FIG4: variants seen among roughly 807,000 people sequenced by gnomAD.
FIG4 encodes polyphosphoinositide phosphatase.
In FIG4, 112 loss-of-function variants were observed where a neutral mutation model predicts 118.6. That is an observed-to-expected ratio of 0.94 (90% CI 0.81 to 1.11). The LOEUF (loss-of-function observed/expected upper bound fraction) is 1.11, where lower values mean the gene tolerates loss of function less well. FIG4 is among the 50% of genes least tolerant of loss of function. FIG4 has a pLI of 0.00. For missense variants in FIG4, 969 were observed against 1,111.7 expected, an observed-to-expected ratio of 0.87 and a Z score of 1.83; for synonymous variants, 369 against 381.2, an observed-to-expected ratio of 0.97 and a Z score of 0.37.
intron 22 of FIG4, among the ~76,000 whole-genome samples, chr6:109,808,350 C>CAAAAAAAAAAAAAAA (rs55948419): frequency 1.6e-4 from 11 of 67,036 alleles, no homozygotes; most frequent in Admixed American, 3.8e-4. Context: ...ACACTCACAG[C>CAAAAAAAAAAAAAAA]AAAAAAAAAA....
chr6:109,766,574 A>T (rs1302714109), intron 14 of FIG4, among the ~76,000 whole-genome samples, 155 bp from the exon 15 acceptor site: 1 of 152,234 alleles, frequency 6.6e-6, no homozygotes, highest in Non-Finnish European at 1.5e-5. Flanking sequence ...TCTAAAATAT[A>T]TTAGCGTTTG....
chr6:109,775,586 G>A (rs1777594601), intron 15 of FIG4, among the ~76,000 whole-genome samples: 1 of 152,162 alleles, frequency 6.6e-6, no homozygotes, highest in African/African-American at 2.4e-5. Flanking sequence ...CAGAAAGAAT[G>A]TAATTGCCAT....
intron 3 of FIG4, among the ~76,000 whole-genome samples, chr6:109,717,553 T>C (rs1775472689): frequency 1.3e-5 from 2 of 152,148 alleles, no homozygotes; most frequent in Non-Finnish European, 2.9e-5. Context: ...CCAAGCTGTG[T>C]AGTATGAATT....
intron 1 of FIG4, among the ~76,000 whole-genome samples, chr6:109,709,974 T>C (rs927603806): frequency 6.6e-6 from 1 of 152,222 alleles, no homozygotes; most frequent in African/African-American, 2.4e-5. Flanking sequence ...CCGATTACCC[T>C]GACCAGCACT....
At chr6:109,802,600 G>A (rs1009328525) in intron 22 of FIG4, among the ~76,000 whole-genome samples, 1 of 152,202 alleles carries the variant, frequency 6.6e-6, no homozygotes, top group Non-Finnish European at 1.5e-5. Context: ...TTCACTGTTT[G>A]GATTTATATG....
intron 1 of FIG4, among the ~76,000 whole-genome samples, chr6:109,706,902 C>T (rs2025149): frequency 0.81 from 123,139 of 152,012 alleles, 50,363 homozygotes; most frequent in African/African-American, 0.94. Flanking sequence ...TAGGTGAACG[C>T]TGTTAGATTG....
intron 16 of FIG4, among the ~76,000 whole-genome samples, chr6:109,782,250 G>C (rs1336258304): frequency 6.6e-6 from 1 of 152,122 alleles, no homozygotes. Context: ...TCTTCCTCTG[G>C]ATAAATGTAC....
chr6:109,751,529 G>C (rs13197056), intron 10 of FIG4, among the ~76,000 whole-genome samples: 1 of 151,980 alleles, frequency 6.6e-6, no homozygotes, highest in African/African-American at 2.4e-5. Context: ...ATTTGGCTGT[G>C]AATCTATCTG....
intron 8 of FIG4, 74 bp from the exon 9 acceptor site, chr6:109,743,036 T>C: frequency 7.8e-7 from 1 of 1,279,838 alleles, no homozygotes; most frequent in East Asian, 2.5e-5. Flanking sequence ...ATAGGAATTA[T>C]AACTTCATTG....
chr6:109,792,734 A>AC (rs1240099072), intron 21 of FIG4, 70 bp downstream of exon 21: 1 of 681,346 alleles, frequency 1.5e-6, no homozygotes, highest in African/African-American at 2.3e-5. Flanking sequence ...TAACTACTAT[A>AC]CCTTTTTTTT....
chr6:109,762,852 C>G (rs906947902), intron 12 of FIG4, among the ~76,000 whole-genome samples: 1 of 152,018 alleles, frequency 6.6e-6, no homozygotes, highest in East Asian at 1.9e-4. Context: ...TTCAGTGATT[C>G]ACTAGGAGAA....
rs554980478 is a variant in FIG4 at position 109,715,262 on chromosome 6, A to G, written c.165+86A>G. 5.1e-4 allele frequency: 354 copies of G among 699,614 alleles called. 4 individuals are homozygous for G. The highest frequency in any genetic ancestry group is 4.2e-3 in the South Asian group (261 of 61,786). 43.3% of individuals were successfully genotyped at this position (699,614 alleles called of 1,614,324 possible). A position where few individuals can be genotyped will look rare whatever the true frequency, so the allele number is the denominator to read the frequency against. On this transcript the variant is annotated intron_variant, in intron 2 of 22. Transcript: ENST00000230124. ...AAATATCCTTACAGTTTTTAGTGATATATTATTTTTATCATAAATCTAAAA... is the reference window on the plus strand; with the variant it reads ...AAATATCCTTACAGTTTTTAGTGATGTATTATTTTTATCATAAATCTAAAA...
intron 1 of FIG4, among the ~76,000 whole-genome samples, chr6:109,705,696 A>T (rs1188692581): frequency 6.6e-6 from 1 of 152,176 alleles, no homozygotes; most frequent in Non-Finnish European, 1.5e-5. Flanking sequence ...TCTGTTTTTA[A>T]AATCACAAAC....
At chr6:109,818,557 G>A (rs1162544912) in intron 22 of FIG4, among the ~76,000 whole-genome samples, 2 of 152,126 alleles carry the variant, frequency 1.3e-5, no homozygotes, top group East Asian at 3.9e-4. Context: ...TATTAGGTAG[G>A]CTGTTAATCT....
At chr6:109,739,398 G>A (rs1275837526) in intron 7 of FIG4, among the ~76,000 whole-genome samples, 1 of 152,046 alleles carries the variant, frequency 6.6e-6, no homozygotes, top group African/African-American at 2.4e-5. Flanking sequence ...ATCACGTAGG[G>A]CATTTTTGCA....
intron 3 of FIG4, among the ~76,000 whole-genome samples, chr6:109,719,006 C>T (rs374608707): frequency 1.6e-4 from 24 of 151,714 alleles, no homozygotes; most frequent in East Asian, 1.5e-3. Flanking sequence ...GCAACCTCCA[C>T]CTCCTGAGTT....
At chr6:109,709,756 T>C (rs1229910279) in intron 1 of FIG4, among the ~76,000 whole-genome samples, 1 of 152,112 alleles carries the variant, frequency 6.6e-6, no homozygotes, top group African/African-American at 2.4e-5. Context: ...ATTTGGCTCT[T>C]AGTTTGACTG....
chr6:109,812,987 G>A (rs1778763626), intron 22 of FIG4, among the ~76,000 whole-genome samples: 1 of 152,096 alleles, frequency 6.6e-6, no homozygotes, highest in African/African-American at 2.4e-5. Flanking sequence ...ATTATCTTTG[G>A]TGTTGATTAG....
intron 3 of FIG4, among the ~76,000 whole-genome samples, chr6:109,723,027 G>A (rs1209689953): frequency 6.6e-6 from 1 of 152,312 alleles, no homozygotes; most frequent in East Asian, 1.9e-4. Context: ...TGTGGAAGGG[G>A]AGCAGGCCAT....
Sources: gnomAD v4.1 joint callset for allele counts (sites outside exome capture counted in the v4.1 genomes callset) on GRCh38, gnomAD v4.1.1 for gene constraint, MANE v1.5 for transcripts, NCBI Gene and HGNC (gene_info 2026-07-23, HGNC 2026-07-21) for gene names.